Variants in INTS11 observed in about 807,000 individuals in gnomAD.
INTS11 encodes CPSF3-like protein.
INTS11 carries 77 observed loss-of-function variants against 78.6 expected under a neutral mutation model. That is an observed-to-expected ratio of 0.98 (90% CI 0.81 to 1.18). The LOEUF (loss-of-function observed/expected upper bound fraction) is 1.18. Ranked by LOEUF, INTS11 falls within the 50% of genes most tolerant of loss-of-function variation. The pLI, the probability that INTS11 is intolerant of heterozygous loss-of-function variation, is 0.00. For missense variants in INTS11, 875 were observed against 825.9 expected, an observed-to-expected ratio of 1.06 and a Z score of -0.73; for synonymous variants, 441 against 326.9, an observed-to-expected ratio of 1.35 and a Z score of -3.77.
Position 1,314,567 on chromosome 1 carries a change from A to T in INTS11, c.703-202T>A. 1.6e-6 allele frequency: 1 copy of T among 632,428 alleles called. No individual in the cohort carries two copies. Among genetic ancestry groups the T allele is most frequent in the Non-Finnish European group, 2.7e-6 (1 of 367,036 alleles). 39.2% of individuals were successfully genotyped at this position (632,428 alleles called of 1,614,324 possible). On this transcript the variant is annotated intron_variant, in intron 7 of 16. Coordinates refer to ENST00000435064, the MANE Select transcript of INTS11 (RefSeq NM_017871.6). The surrounding 1 kb of genome is among the most constrained non-coding windows in gnomAD (Gnocchi z 4.2). ...GACAGGAGGGAGCCGCATGAGAGAC[A>T]GAAGGGAGCTGCATGAGAGACAGAA... is the stretch of plus-strand genomic sequence containing the variant.
chr1:1,313,332 G>A (rs769617133), intron 10 of INTS11, 177 bp downstream of exon 10: 62 of 883,612 alleles, frequency 7.0e-5, no homozygotes, highest in Non-Finnish European at 1.0e-4. Flanking sequence ...AGGTGGACAA[G>A]CTGTGTCACA....
chr1:1,320,940 C>T (rs1390112626), intron 2 of INTS11, 56 bp downstream of exon 2: 1 of 1,470,572 alleles, frequency 6.8e-7, no homozygotes, highest in Admixed American at 1.7e-5. Context: ...GGCCCAGGGT[C>T]CAGCTGTGGA....
In INTS11 at chr1:1,312,968, G is replaced by C; in HGVS notation, c.1132-19C>G. 1.9e-6 allele frequency: 3 copies of C among 1,611,852 alleles called. No homozygotes were observed. The highest frequency in any genetic ancestry group is 2.5e-6 in the Non-Finnish European group (3 of 1,179,384). ...CCTCCAGCTACAGAGGCCACGGGGC[G>C]TGGACAGTGGTTACCACCAGGAGGT... On this transcript the variant is annotated intron_variant, in intron 11 of 16. Coordinates refer to ENST00000435064, the MANE Select transcript of INTS11 (RefSeq NM_017871.6).
intron 4 of INTS11, 137 bp downstream of exon 4, chr1:1,319,159 G>T: frequency 1.2e-6 from 1 of 862,822 alleles, no homozygotes; most frequent in Non-Finnish European, 2.0e-6. Flanking sequence ...TGTCCCCACG[G>T]TGCTGGACGC....
rs962447761 is a variant in INTS11, at chr1:1,313,869, T to C, written c.820A>G (p.Lys274Glu). The C allele has an allele frequency of 6.8e-6, 11 of 1,613,202 alleles. No individual in the cohort carries two copies. The highest frequency in any genetic ancestry group is 8.5e-6 in the Non-Finnish European group (10 of 1,179,938). The change falls in exon 9 of 17, where the codon AAG (lysine) becomes GAG (glutamate). Residue 274 changes from lysine (K) to glutamate (E), a missense_variant. Coordinates refer to ENST00000435064, the MANE Select transcript of INTS11 (RefSeq NM_017871.6). ...PIYFSTGLTE[K>E]ANHYYKLFIP... ...AACAGCTTGTAGTAGTGGTTGGCCT[T>C]CTCGGTCAGCCCCGTGGAGAAGTAG...
chr1:1,311,929 G>A lies in INTS11; in HGVS notation c.1738-5C>T, dbSNP rs373702367. ...GAAGCTCCCCAGCTCCTCGTCCTAG[G>A]GCAGAGGCAAAAGCATTGTGGGTGG... On this transcript the variant is annotated splice_region_variant and splice_polypyrimidine_tract_variant and intron_variant, in intron 16 of 16. Coordinates refer to ENST00000435064, the MANE Select transcript of INTS11 (RefSeq NM_017871.6). The A allele has an allele frequency of 2.1e-5, 34 of 1,582,158 alleles. No homozygotes were observed. In the African/African-American group the frequency reaches 3.1e-4, roughly 15 times the overall value.
chr1:1,321,904 C>CCCA, intron 1 of INTS11: 2 of 1,305,970 alleles, frequency 1.5e-6, no homozygotes, highest in Non-Finnish European at 2.0e-6. Flanking sequence ...TGAATCCCAC[C>CCCA]CACCTCCCCC....
chr1:1,321,893 T>C, intron 1 of INTS11: 6 of 929,384 alleles, frequency 6.5e-6, no homozygotes, highest in South Asian at 2.2e-5. Context: ...AGTTTTCCCC[T>C]TGAATCCCAC....
intron 10 of INTS11, 188 bp from the exon 11 acceptor site, chr1:1,313,312 G>A (rs1642356865): frequency 3.4e-6 from 3 of 883,720 alleles, no homozygotes; most frequent in South Asian, 3.2e-5. Flanking sequence ...GGCTGGGGCT[G>A]TTCTGCCCGA....
chr1:1,315,659 CAGAGGGGCGGGG>C, intron 4 of INTS11, 41 bp from the exon 5 acceptor site: 1 of 1,458,504 alleles, frequency 6.9e-7, no homozygotes, highest in Non-Finnish European at 9.5e-7. Context: ...GTCCTCACAG[CAGAGGGGCGGGG>C]AGTGAGGGAG....
chr1:1,319,035 C>T (rs772019191), intron 4 of INTS11: 7 of 716,716 alleles, frequency 9.8e-6, no homozygotes, highest in Admixed American at 4.0e-5. Flanking sequence ...CAATGCCGCT[C>T]GGACAGAGCC....
intron 4 of INTS11, among the ~76,000 whole-genome samples, chr1:1,318,151 T>C (rs1001897383): frequency 9.2e-5 from 14 of 152,146 alleles, no homozygotes; most frequent in African/African-American, 3.4e-4. Flanking sequence ...ATTACAGGCG[T>C]GAGCCACCGC....
chr1:1,323,678 T>C (rs1040343325), intron 1 of INTS11, among the ~76,000 whole-genome samples: 2 of 151,484 alleles, frequency 1.3e-5, no homozygotes, highest in African/African-American at 4.9e-5. Context: ...TCCAAAGTGC[T>C]GTGATTGCAG....
intron 4 of INTS11, chr1:1,316,313 G>C (rs1237398793): frequency 6.5e-6 from 1 of 153,214 alleles, no homozygotes; most frequent in Non-Finnish European, 1.4e-5. Context: ...ACTGGGCTGG[G>C]CACAGTGGCT....
Position 1,312,238 on chromosome 1 carries a change from C to G in INTS11, c.1595G>C (p.Ser532Thr). 6.8e-7 allele frequency: 1 copy of G among 1,480,220 alleles called. No individual in the cohort carries two copies. The highest frequency in any genetic ancestry group is 9.1e-7 in the Non-Finnish European group (1 of 1,097,692). The allele number at this position is 1,480,220 out of a possible 1,614,324, so 91.7% of individuals were successfully genotyped here. The stretch of plus-strand genomic sequence containing the variant: ...GCCGGGCGCCCACCTCTTGAGGTGG[C>G]TGTAGACGCGCAATGCCGTCTCCTG... ...KEQETALRVY[S>T]HLKSVLKDHC... is the part of the protein sequence containing the mutation. The change falls in exon 15 of 17, where the codon AGC (serine) becomes ACC (threonine). Residue 532 changes from serine (S) to threonine (T), a missense_variant. Physicochemically the swap from Ser to Thr is moderately conservative, Grantham distance 58 (BLOSUM62 1). Coordinates refer to ENST00000435064, the MANE Select transcript of INTS11 (RefSeq NM_017871.6).
chr1:1,323,285 C>A, intron 1 of INTS11: 1 of 1,549,370 alleles, frequency 6.5e-7, no homozygotes, highest in Non-Finnish European at 8.7e-7. Context: ...ACAGGGCAGG[C>A]ACCTGTGGAA....
At chr1:1,317,464 G>C (rs192811571) in intron 4 of INTS11, 1 of 975,548 alleles carries the variant, frequency 1.0e-6, no homozygotes, top group African/African-American at 1.8e-5. Context: ...AACCAGAAGA[G>C]AATCCATGAA....
In INTS11 at chr1:1,312,470, G is replaced by C. The variant is rs1172477552; in HGVS notation, c.1434C>G (p.Leu478=). The change falls in exon 14 of 17, where the codon CTC becomes CTG. Residue 478 remains leucine, a synonymous_variant. Coordinates refer to ENST00000435064, the MANE Select transcript of INTS11 (RefSeq NM_017871.6). ...GLLPEAKKPR[L]LHGTLIMKDS... is the part of the protein sequence containing the mutation. ...CCTTCATGATCAGGGTGCCGTGCAG[G>C]AGCCGAGGCTTCTTGGCCTCAGGGA... The C allele has an allele frequency of 1.3e-6, 2 of 1,576,834 alleles. No homozygotes were observed. The highest frequency in any genetic ancestry group is 1.2e-5 in the South Asian group (1 of 86,856).
rs1051047630 is a variant in INTS11 at position 1,313,464 on chromosome 1, G to C, written c.1041+45C>G. 2.5e-6 allele frequency: 4 copies of C among 1,602,168 alleles called. No individual in the cohort carries two copies. The South Asian group carries it at 4.4e-5, about 18-fold the overall frequency. On this transcript the variant is annotated intron_variant, in intron 10 of 16. Transcript: ENST00000435064. ...GACAGCATGGGTGGAAGGACAACCC[G>C]TCGGCCTCCAGCTTCCAGATTCCCA...
Sources: gnomAD v4.1 joint callset for allele counts (sites outside exome capture counted in the v4.1 genomes callset) on GRCh38, gnomAD v4.1.1 for gene constraint, Gnocchi (gnomAD v3.1) non-coding constraint, MANE v1.5 for transcripts, NCBI Gene and HGNC (gene_info 2026-07-23, HGNC 2026-07-21) for gene names.